SORCS2: variants seen among roughly 807,000 people sequenced by gnomAD.
SORCS2 encodes VPS10 domain-containing receptor SorCS2.
In SORCS2, 100 loss-of-function variants were observed where a neutral mutation model predicts 141.6. The observed-to-expected ratio is 0.71, with a 90% CI of 0.60 to 0.83. SORCS2 has a LOEUF of 0.83. Ranked by LOEUF, SORCS2 falls within the 40% of genes least tolerant of loss-of-function variation. The probability of loss-of-function intolerance (pLI) is 0.00; values close to 1 mark genes in which losing one functional copy is unlikely to be tolerated. For synonymous variants in SORCS2, 789 were observed against 676.9 expected (o/e 1.17, Z -2.57); for missense variants, 1,646 against 1,560.2 (o/e 1.05, Z -0.93).
At chr4:7,683,214 G>A (rs1230196474) in intron 10 of SORCS2, among the ~76,000 whole-genome samples, 1 of 151,996 alleles carries the variant, frequency 6.6e-6, no homozygotes, top group African/African-American at 2.4e-5. Context: ...GCTGAGCTGG[G>A]CAGCTCTGCT....
rs147653651 is a variant in SORCS2 at position 7,457,397 on chromosome 4, C to T, written c.548+61042C>T. On this transcript the variant is annotated intron_variant, in intron 2 of 26. Coordinates refer to ENST00000507866, the MANE Select transcript of SORCS2 (RefSeq NM_020777.3). The stretch of plus-strand genomic sequence containing the variant: ...TGGCTTTTGGCCAGGGAGCCGCGTG[C>T]CCCAGTGAACATCGCAAGCTGGCAG... Among the ~76,000 whole-genome samples, 134 of 152,336 alleles carry T rather than the reference C, an allele frequency of 8.8e-4. 1 individual carries two copies. In the East Asian group the frequency reaches 0.025, roughly 28 times the overall value.
chr4:7,728,486 T>C, intron 22 of SORCS2, 24 bp downstream of exon 22: 1 of 1,559,168 alleles, frequency 6.4e-7, no homozygotes, highest in Non-Finnish European at 8.7e-7. Context: ...GCCTAGAGCC[T>C]CCCCAGCCCC....
chr4:7,630,792 T>A (rs1455822571), intron 3 of SORCS2, among the ~76,000 whole-genome samples: 1 of 152,182 alleles, frequency 6.6e-6, no homozygotes, highest in Non-Finnish European at 1.5e-5. Context: ...TCTCTCAGCA[T>A]CAAAGCCAAG....
chr4:7,491,501 T>C (rs4317205), intron 2 of SORCS2, among the ~76,000 whole-genome samples: 90,062 of 152,110 alleles, frequency 0.59, 27,220 homozygotes, highest in East Asian at 0.9. Context: ...CGGCATGGCG[T>C]AAGCAGCTGC....
At chr4:7,706,827 A>G (rs1725501785) in intron 14 of SORCS2, among the ~76,000 whole-genome samples, 1 of 151,754 alleles carries the variant, frequency 6.6e-6, no homozygotes, top group Non-Finnish European at 1.5e-5. Flanking sequence ...CTGGGCAGGG[A>G]TGAGGCTGGA....
At chr4:7,543,746 A>ATCCG (rs1409570847) in intron 3 of SORCS2, among the ~76,000 whole-genome samples, 5 of 119,644 alleles carry the variant, frequency 4.2e-5, no homozygotes, top group South Asian at 3.0e-4. Context: ...CCATCCACCC[A>ATCCG]TCCACCCATC....
intron 1 of SORCS2, among the ~76,000 whole-genome samples, chr4:7,303,082 A>T (rs4689688): frequency 0.25 from 38,032 of 152,068 alleles, 5,327 homozygotes; most frequent in Admixed American, 0.38. Context: ...CTCCATGCAC[A>T]CAAAACAGAG....
intron 12 of SORCS2, 80 bp downstream of exon 12, chr4:7,697,354 C>T (rs763703106): frequency 3.5e-5 from 44 of 1,243,012 alleles, no homozygotes; most frequent in East Asian, 5.1e-5. Context: ...TCTGTCATCC[C>T]GTCCATTCCA....
At chr4:7,359,779 A>G (rs1721470634) in intron 1 of SORCS2, among the ~76,000 whole-genome samples, 1 of 152,236 alleles carries the variant, frequency 6.6e-6, no homozygotes, top group African/African-American at 2.4e-5. Flanking sequence ...TTGAAAGTAA[A>G]TAGCACTTTA....
intron 2 of SORCS2, among the ~76,000 whole-genome samples, chr4:7,449,478 G>A (rs1728303028): frequency 6.9e-6 from 1 of 144,988 alleles, no homozygotes; most frequent in Admixed American, 6.9e-5. Context: ...GGTGAATTTG[G>A]GCAAGTTACC....
In SORCS2 at chr4:7,570,278, G is replaced by A. The variant is rs545522139; in HGVS notation, c.648+38649G>A. On this transcript the variant is annotated intron_variant, in intron 3 of 26. Coordinates refer to ENST00000507866, the MANE Select transcript of SORCS2 (RefSeq NM_020777.3). The stretch of plus-strand genomic sequence containing the variant: ...GCCGGTGGAGCCCAGGCACAGGCAG[G>A]CCGCTGAGCCTGTGTCCCACTTTGT... Among the ~76,000 whole-genome samples, 151 of 152,250 alleles carry A rather than the reference G, an allele frequency of 9.9e-4. 1 individual carries two copies. Among genetic ancestry groups the A allele is most frequent in the African/African-American group, 3.5e-3 (146 of 41,556 alleles).
At chr4:7,679,808 C>T (rs548639366) in intron 9 of SORCS2, among the ~76,000 whole-genome samples, 2 of 146,810 alleles carry the variant, frequency 1.4e-5, no homozygotes, top group East Asian at 4.0e-4. Context: ...GTGATATGGG[C>T]AGTTATGCAG....
chr4:7,724,144 G>A (rs1439726155), intron 19 of SORCS2, among the ~76,000 whole-genome samples: 9 of 128,452 alleles, frequency 7.0e-5, no homozygotes, highest in Non-Finnish European at 8.3e-5. Flanking sequence ...TGGTGGTGAT[G>A]GTCGTGGTGG....
chr4:7,704,536 T>C (rs931969998), intron 14 of SORCS2, among the ~76,000 whole-genome samples: 13 of 152,228 alleles, frequency 8.5e-5, no homozygotes, highest in Non-Finnish European at 1.8e-4. Context: ...CCATATGGCA[T>C]GAAGGTCATA....
chr4:7,588,199 G>A (rs1716669226), intron 3 of SORCS2, among the ~76,000 whole-genome samples: 1 of 152,180 alleles, frequency 6.6e-6, no homozygotes, highest in African/African-American at 2.4e-5. Flanking sequence ...CTGTTCTCTG[G>A]GCCGCCAAAC....
At position 7,648,746 on chromosome 4, in the gene SORCS2, C is replaced by T. The variant is rs1456559630; in HGVS notation, c.814-5388C>T. ...ATGGTGGAGGAAGAGAGGCTAGAAA[C>T]CAGGGACAGGCACCAGGGCGGCCCC... On this transcript the variant is annotated intron_variant, in intron 4 of 26. Coordinates refer to ENST00000507866, the MANE Select transcript of SORCS2 (RefSeq NM_020777.3). This position sits in a 1 kb window ranked among gnomAD's most constrained non-coding sequence, Gnocchi z 4.2. Among the ~76,000 whole-genome samples, 1 of 152,048 alleles carries T rather than the reference C, an allele frequency of 6.6e-6. No individual in the cohort carries two copies. Among genetic ancestry groups the T allele is most frequent in the Non-Finnish European group, 1.5e-5 (1 of 67,992 alleles).
intron 2 of SORCS2, among the ~76,000 whole-genome samples, chr4:7,479,488 A>G (rs1730497994): frequency 6.6e-6 from 1 of 152,212 alleles, no homozygotes; most frequent in Admixed American, 6.5e-5. Flanking sequence ...CTTTCTTTGC[A>G]ATGTGCAGAG....
chr4:7,456,755 G>T (rs1158709308), intron 2 of SORCS2, among the ~76,000 whole-genome samples: 2 of 152,186 alleles, frequency 1.3e-5, no homozygotes, highest in African/African-American at 2.4e-5. Context: ...GGTGCCTGCT[G>T]CTTGTCCCCC....
In SORCS2 at chr4:7,654,262, C is replaced by T. The variant is rs953006276; in HGVS notation, c.887+55C>T. ...GGGGCCCGCAGCTCTGGTGAGAGCA[C>T]TTCCCCCAAACCCTTGGGAGCCCAT... On this transcript the variant is annotated intron_variant, in intron 5 of 26. Coordinates refer to ENST00000507866, the MANE Select transcript of SORCS2 (RefSeq NM_020777.3). 2.6e-6 allele frequency: 4 copies of T among 1,528,286 alleles called. No homozygotes were observed. The African/African-American group carries it at 5.5e-5, about 21-fold the overall frequency. The allele number at this position is 1,528,286 out of a possible 1,614,324, so 94.7% of individuals were successfully genotyped here. A position where few individuals can be genotyped will look rare whatever the true frequency, so the allele number is the denominator to read the frequency against.
Sources: allele counts gnomAD v4.1 joint callset (sites outside exome capture counted in the v4.1 genomes callset), GRCh38; gene constraint gnomAD v4.1.1; non-coding constraint Gnocchi (gnomAD v3.1); transcripts MANE v1.5; gene names NCBI Gene and HGNC (gene_info 2026-07-23, HGNC 2026-07-21).